PCDHA9: variants seen among roughly 807,000 people sequenced by gnomAD.
The protein encoded by PCDHA9 is protocadherin alpha-9.
In PCDHA9, 62 loss-of-function variants were observed where a neutral mutation model predicts 62.0. That is an observed-to-expected ratio of 1.00 (90% CI 0.81 to 1.23). The LOEUF is 1.23. Ranked by LOEUF, PCDHA9 falls within the 50% of genes most tolerant of loss-of-function variation. The probability of loss-of-function intolerance (pLI) is 0.00; values close to 1 mark genes in which losing one functional copy is unlikely to be tolerated. For missense variants in PCDHA9, 1,205 were observed against 1,249.8 expected (o/e 0.96, Z 0.54); for synonymous variants, 557 against 567.6 (o/e 0.98, Z 0.27).
Position 140,858,130 on chromosome 5 carries a change from C to G in PCDHA9, c.2394+7241C>G, listed in dbSNP as rs1210306605. ...CGCCCGAGGTGGCCCTGGTGGATGT[C>G]AACGTGTACCTGATCATCGCCATCT... On this transcript the variant is annotated intron_variant, in intron 1 of 3. Transcript: ENST00000532602. 27 of 1,597,776 alleles carry G rather than the reference C, an allele frequency of 1.7e-5. 5 individuals carry two copies. The highest frequency in any genetic ancestry group is 2.3e-5 in the Non-Finnish European group (27 of 1,167,556).
intron 1 of PCDHA9, chr5:140,883,434 T>G (rs2059607581): frequency 1.2e-6 from 2 of 1,614,038 alleles, no homozygotes; most frequent in Admixed American, 3.3e-5. Flanking sequence ...ACCTGCACCT[T>G]GACGCCGCAT....
chr5:140,975,058 C>T (rs1016137596), intron 1 of PCDHA9, among the ~76,000 whole-genome samples: 34 of 152,090 alleles, frequency 2.2e-4, no homozygotes, highest in African/African-American at 8.2e-4. Context: ...AATCTACTAT[C>T]GAGCTCATTC....
At chr5:140,931,246 C>A (rs2087398062) in intron 1 of PCDHA9, among the ~76,000 whole-genome samples, 1 of 152,114 alleles carries the variant, frequency 6.6e-6, no homozygotes, top group East Asian at 1.9e-4. Flanking sequence ...ACTTTTCCTA[C>A]CAAGAAATTT....
intron 1 of PCDHA9, chr5:140,875,508 G>GC: frequency 6.2e-7 from 1 of 1,613,706 alleles, no homozygotes; most frequent in South Asian, 1.1e-5. Flanking sequence ...CGGGATCCCA[G>GC]CGTCTGCTGC....
chr5:140,866,649 T>G (rs1554160460), intron 1 of PCDHA9: 4 of 152,162 alleles, frequency 2.6e-5, no homozygotes, highest in African/African-American at 9.6e-5. Context: ...AAAATTTATT[T>G]ATGTGTTTTC....
intron 2 of PCDHA9, among the ~76,000 whole-genome samples, chr5:140,979,453 A>G (rs2096852067): frequency 6.6e-6 from 1 of 151,906 alleles, no homozygotes; most frequent in Admixed American, 6.6e-5. Flanking sequence ...TATTACCCTC[A>G]ATAATTGATT....
intron 1 of PCDHA9, chr5:140,927,852 A>C: frequency 6.2e-7 from 1 of 1,614,218 alleles, no homozygotes; most frequent in Non-Finnish European, 8.5e-7. Flanking sequence ...TCTTTGGTTT[A>C]GCTAGCACCG....
chr5:140,886,097 A>C (rs1341108712), intron 1 of PCDHA9, among the ~76,000 whole-genome samples: 1 of 152,214 alleles, frequency 6.6e-6, no homozygotes, highest in Admixed American at 6.5e-5. Context: ...ATTGACATTG[A>C]TACAGTAAAG....
At position 140,876,234 on chromosome 5, in the gene PCDHA9, T is replaced by C. The variant is rs1260556049; in HGVS notation, c.2394+25345T>C. 4 of 1,613,902 alleles carry C rather than the reference T, an allele frequency of 2.5e-6. No individual in the cohort carries two copies. In the South Asian group the frequency reaches 3.3e-5, roughly 13 times the overall value. On this transcript the variant is annotated intron_variant, in intron 1 of 3. Transcript: ENST00000532602. ...GCTATAAAGTAGTGTTGTCTGAAAA[T>C]GTCCAAAACGACACAAGAGTGATCC...
At chr5:140,883,008 AT>A in intron 1 of PCDHA9, 1 of 1,614,178 alleles carries the variant, frequency 6.2e-7, no homozygotes, top group Non-Finnish European at 8.5e-7. Context: ...CAATCCGTTT[AT>A]AAAGTGACGG....
At chr5:140,859,454 C>G (rs1400169609) in intron 1 of PCDHA9, 1 of 217,780 alleles carries the variant, frequency 4.6e-6, no homozygotes, top group South Asian at 1.1e-4. Context: ...TGCAGAGTGA[C>G]AAAACTACAC....
chr5:140,986,656 C>T (rs141575317), intron 3 of PCDHA9, among the ~76,000 whole-genome samples: 2 of 152,290 alleles, frequency 1.3e-5, no homozygotes, highest in East Asian at 1.9e-4. Context: ...GTGGGAGATG[C>T]TCACAGTTTT....
intron 3 of PCDHA9, among the ~76,000 whole-genome samples, chr5:140,995,446 T>C (rs2097684088): frequency 6.6e-6 from 1 of 152,206 alleles, no homozygotes; most frequent in Non-Finnish European, 1.5e-5. Flanking sequence ...TTAAAACTTA[T>C]GAATTGTTTA....
At position 141,012,270 on chromosome 5, in the gene PCDHA9, G is replaced by A. The variant is rs782033901; in HGVS notation, c.*2333G>A. On this transcript the variant is annotated 3_prime_UTR_variant, in exon 4 of 4. Coordinates refer to ENST00000532602, the MANE Select transcript of PCDHA9 (RefSeq NM_031857.2). ...TATTACAGCTGTAAGGATAAAACAC[G>A]TCATGTGGATTCATTTTGAATTGGT... is the stretch of plus-strand genomic sequence containing the variant. 4 of 153,734 alleles carry A rather than the reference G, an allele frequency of 2.6e-5. No individual in the cohort carries two copies. The highest frequency in any genetic ancestry group is 5.9e-5 in the Non-Finnish European group (4 of 68,028). 9.5% of individuals were successfully genotyped at this position (153,734 alleles called of 1,614,324 possible).
Position 140,965,562 on chromosome 5 carries a change from A to G in PCDHA9, c.2395-13387A>G, listed in dbSNP as rs548302746. 1.9e-4 allele frequency among the ~76,000 whole-genome samples: 29 copies of G among 152,242 alleles called. No homozygotes were observed. In the South Asian group the frequency reaches 6.0e-3, roughly 32 times the overall value. On this transcript the variant is annotated intron_variant, in intron 1 of 3. Coordinates refer to ENST00000532602, the MANE Select transcript of PCDHA9 (RefSeq NM_031857.2). ...AATTCCAGCCTGGCTTAGGAGATCA[A>G]CAGTAACGCTCTTGATTTAATGGTT...
At chr5:140,966,703 G>T in intron 1 of PCDHA9, 1 of 1,376,398 alleles carries the variant, frequency 7.3e-7, no homozygotes, top group South Asian at 1.7e-5. Flanking sequence ...CCCGGGCGTG[G>T]GGCACGGCTG....
intron 1 of PCDHA9, chr5:140,861,672 A>G (rs1581618530): frequency 4.0e-6 from 1 of 248,596 alleles, no homozygotes; most frequent in East Asian, 1.1e-4. Context: ...GCTCTTGATT[A>G]TCGTGTTTCA....
intron 1 of PCDHA9, among the ~76,000 whole-genome samples, chr5:140,942,069 A>G (rs1384507706): frequency 1.3e-5 from 2 of 152,234 alleles, no homozygotes; most frequent in Non-Finnish European, 2.9e-5. Flanking sequence ...TAATTGAGCC[A>G]AGAGAGCACA....
In PCDHA9 at chr5:140,857,175, A is replaced by T. The variant is rs149086377; in HGVS notation, c.2394+6286A>T. 3 of 1,598,452 alleles carry T rather than the reference A, an allele frequency of 1.9e-6. 1 individual carries two copies. Among genetic ancestry groups the T allele is most frequent in the Non-Finnish European group, 2.6e-6 (3 of 1,167,876 alleles). On this transcript the variant is annotated intron_variant, in intron 1 of 3. Transcript: ENST00000532602. Reference sequence around the variant, plus strand: ...ATTGCCCTAATCAGCGTTTCTGACCATGATTCAGGAGCCAACGGACAGGTC... The same window carrying T: ...ATTGCCCTAATCAGCGTTTCTGACCTTGATTCAGGAGCCAACGGACAGGTC...
Sources: gnomAD v4.1 joint callset for allele counts (sites outside exome capture counted in the v4.1 genomes callset) on GRCh38, gnomAD v4.1.1 for gene constraint, MANE v1.5 for transcripts, NCBI Gene and HGNC (gene_info 2026-07-23, HGNC 2026-07-21) for gene names.